PCDHGA6: variants seen among roughly 807,000 people sequenced by gnomAD.
PCDHGA6 encodes the protein protocadherin gamma subfamily A, 6, also known as protocadherin gamma-A6.
In PCDHGA6, 41 loss-of-function variants were observed where a neutral mutation model predicts 60.6. The ratio of observed to expected loss-of-function variants is 0.68; its 90% confidence interval spans 0.53 to 0.88. The LOEUF is 0.88. Ranked by LOEUF, PCDHGA6 falls within the 40% of genes least tolerant of loss-of-function variation. The probability of loss-of-function intolerance (pLI) is 0.00; values close to 1 mark genes in which losing one functional copy is unlikely to be tolerated. For missense variants in PCDHGA6, 1,312 were observed against 1,203.0 expected (o/e 1.09, Z -1.34); for synonymous variants, 594 against 524.4 (o/e 1.13, Z -1.81).
chr5:141,383,462 A>G (rs2072315), intron 1 of PCDHGA6: 731,761 of 1,613,122 alleles, frequency 0.45, 173,214 homozygotes, highest in African/African-American at 0.81. Flanking sequence ...GGAGACGATG[A>G]AACTAAGTAC....
chr5:141,415,123 G>A (rs1349224471), intron 1 of PCDHGA6: 3 of 1,613,540 alleles, frequency 1.9e-6, no homozygotes, highest in African/African-American at 1.3e-5. Context: ...CGTAGTGGCC[G>A]TCCAGGACCA....
rs776047060 is a variant in PCDHGA6, at chr5:141,393,622, A to T, written c.2424+17115A>T. The T allele has an allele frequency of 1.9e-6, 3 of 1,613,960 alleles. No individual in the cohort carries two copies. The Admixed American group carries it at 5.0e-5, about 27-fold the overall frequency. ...CTTACTGTAACAGCCAGCGACCCGG[A>T]TGAGGGAATCAACGGAAAAGTGGCA... On this transcript the variant is annotated intron_variant, in intron 1 of 3. Coordinates refer to ENST00000517434, the MANE Select transcript of PCDHGA6 (RefSeq NM_018919.3).
chr5:141,395,435 T>A, intron 1 of PCDHGA6: 1 of 680,384 alleles, frequency 1.5e-6, no homozygotes, highest in Non-Finnish European at 2.3e-6. Context: ...TTTAAACGAC[T>A]TGGAAAAGAT....
rs753702657 is a variant in PCDHGA6 at position 141,415,195 on chromosome 5, C to G, written c.2424+38688C>G. ...CGTGGCCGTGGCCGACAGCATCCCC[C>G]AAGTCCTGGCGGACCTCGGCAGCTT... On this transcript the variant is annotated intron_variant, in intron 1 of 3. Transcript: ENST00000517434. 5 of 1,614,058 alleles carry G rather than the reference C, an allele frequency of 3.1e-6. No individual in the cohort carries two copies. The highest frequency in any genetic ancestry group is 1.1e-5 in the South Asian group (1 of 91,090).
intron 1 of PCDHGA6, among the ~76,000 whole-genome samples, chr5:141,425,427 A>G (rs925551543): frequency 2.2e-4 from 33 of 152,362 alleles, no homozygotes; most frequent in Non-Finnish European, 4.1e-4. Flanking sequence ...GTCCCATTAA[A>G]TAGAGGATAA....
At chr5:141,446,985 C>T (rs1411339328) in intron 1 of PCDHGA6, among the ~76,000 whole-genome samples, 1 of 152,064 alleles carries the variant, frequency 6.6e-6, no homozygotes, top group Non-Finnish European at 1.5e-5. Context: ...AATTCATACT[C>T]CACTCTTCAG....
At chr5:141,479,120 A>T (rs1278879959) in intron 1 of PCDHGA6, among the ~76,000 whole-genome samples, 1 of 152,232 alleles carries the variant, frequency 6.6e-6, no homozygotes, top group Non-Finnish European at 1.5e-5. Context: ...TTCTACTGGA[A>T]ATGATGTGCA....
chr5:141,414,437 C>T (rs1422750138), intron 1 of PCDHGA6: 1 of 1,613,856 alleles, frequency 6.2e-7, no homozygotes, highest in Non-Finnish European at 8.5e-7. Flanking sequence ...CAGGTATCCT[C>T]TTACAATATC....
intron 1 of PCDHGA6, chr5:141,413,382 CAT>C (rs752944261): frequency 2.5e-6 from 4 of 1,613,998 alleles, no homozygotes; most frequent in Non-Finnish European, 3.4e-6. Flanking sequence ...GCGGAGTCCG[CAT>C]AGTCTCCAGA....
chr5:141,509,447 C>T (rs898280593), intron 3 of PCDHGA6, among the ~76,000 whole-genome samples: 2 of 152,128 alleles, frequency 1.3e-5, no homozygotes, highest in Admixed American at 6.5e-5. Context: ...CCTCCTCTCC[C>T]ACCCCCGACC....
At chr5:141,478,050 C>T (rs2099429383) in intron 1 of PCDHGA6, 1 of 1,614,066 alleles carries the variant, frequency 6.2e-7, no homozygotes, top group Non-Finnish European at 8.5e-7. Flanking sequence ...CAGACTCTCA[C>T]GGTCTTGATC....
intron 3 of PCDHGA6, among the ~76,000 whole-genome samples, chr5:141,510,691 T>C (rs1013489554): frequency 4.6e-5 from 7 of 152,138 alleles, no homozygotes; most frequent in African/African-American, 1.7e-4. Flanking sequence ...GGAGGTTAGG[T>C]AGACTTGCCC....
chr5:141,385,282 G>A lies in PCDHGA6; in HGVS notation c.2424+8775G>A, dbSNP rs769141713. ...GAAAAATGATTCTTTGCTAACATCC[G>A]TAGATTTTCAGGAATGTAAAGAAAA... On this transcript the variant is annotated intron_variant, in intron 1 of 3. Transcript: ENST00000517434. 9.3e-6 allele frequency: 15 copies of A among 1,613,370 alleles called. No homozygotes were observed. The Admixed American group carries it at 1.8e-4, about 20-fold the overall frequency.
chr5:141,410,628 T>G (rs758174899), intron 1 of PCDHGA6: 1 of 1,602,040 alleles, frequency 6.2e-7, no homozygotes, highest in South Asian at 1.1e-5. Context: ...TCGGTGAGTT[T>G]CTCTTTTTTG....
rs78612001 is a variant in PCDHGA6 at position 141,432,435 on chromosome 5, C to A, written c.2424+55928C>A. ...TTCGTGCTGGACCAGAACGACAATG[C>A]GCCCGAGATCCTGTACCCCGCCCTC... On this transcript the variant is annotated intron_variant, in intron 1 of 3. Coordinates refer to ENST00000517434, the MANE Select transcript of PCDHGA6 (RefSeq NM_018919.3). The surrounding 1 kb of genome is among the most constrained non-coding windows in gnomAD (Gnocchi z 6.0). The A allele has an allele frequency of 0.027, 43,228 of 1,614,212 alleles. 830 individuals are homozygous for A. The highest frequency in any genetic ancestry group is 0.092 in the African/African-American group (6,903 of 75,054).
chr5:141,376,235 C>T lies in PCDHGA6; in HGVS notation c.2152C>T (p.Arg718Cys). The change falls in exon 1 of 4, where the codon CGC (arginine) becomes TGC (cysteine). Residue 718 changes from arginine to cysteine, a missense_variant. Coordinates refer to ENST00000517434, the MANE Select transcript of PCDHGA6 (RefSeq NM_018919.3). ...VIVLLALRLQ[R>C]WHKSRLLQAS... is the part of the protein sequence containing the mutation. ...CGTGCTGCTGGCGCTCAGACTGCAG[C>T]GCTGGCACAAGTCACGCCTGCTGCA... is the stretch of plus-strand genomic sequence containing the variant. 2 of 1,614,198 alleles carry T rather than the reference C, an allele frequency of 1.2e-6. No homozygotes were observed. Among genetic ancestry groups the T allele is most frequent in the Non-Finnish European group, 1.7e-6 (2 of 1,180,048 alleles).
chr5:141,475,343 G>A (rs1425482944), intron 1 of PCDHGA6, among the ~76,000 whole-genome samples: 1 of 152,178 alleles, frequency 6.6e-6, no homozygotes, highest in Non-Finnish European at 1.5e-5. Flanking sequence ...ATGACATCCA[G>A]TTTTAAAAGA....
intron 1 of PCDHGA6, among the ~76,000 whole-genome samples, chr5:141,381,599 T>C (rs1273652437): frequency 9.9e-5 from 15 of 152,240 alleles, no homozygotes; most frequent in Admixed American, 9.8e-4. Flanking sequence ...CAGTTTCTTA[T>C]GAATTCACAG....
chr5:141,473,700 C>G (rs1474416849), intron 1 of PCDHGA6, among the ~76,000 whole-genome samples: 1 of 152,148 alleles, frequency 6.6e-6, no homozygotes, highest in Non-Finnish European at 1.5e-5. Context: ...GACCACCCTC[C>G]AAGTGGTGCA....
Sources: allele counts gnomAD v4.1 joint callset (sites outside exome capture counted in the v4.1 genomes callset), GRCh38; gene constraint gnomAD v4.1.1; non-coding constraint Gnocchi (gnomAD v3.1); transcripts MANE v1.5; gene names NCBI Gene and HGNC (gene_info 2026-07-23, HGNC 2026-07-21).